The following NDUFA5 variants were observed in gnomAD, a reference collection of about 807,000 sequenced individuals.
The protein encoded by NDUFA5 is NADH dehydrogenase [ubiquinone] 1 alpha subcomplex subunit 5.
Under a neutral mutation model 19.8 loss-of-function variants are expected in NDUFA5, and 11 were observed. The ratio of observed to expected loss-of-function variants is 0.56; its 90% CI spans 0.35 to 0.92. The LOEUF (loss-of-function observed/expected upper bound fraction) is 0.92, where lower values mean the gene tolerates loss of function less well. Among genes scored for constraint, NDUFA5 ranks in the 40% least tolerant of loss-of-function variants. NDUFA5 has a pLI of 0.01. For missense variants in NDUFA5, 109 were observed against 134.2 expected (o/e 0.81, Z 0.93); for synonymous variants, 47 against 46.8 (o/e 1.00, Z -0.01).
chr7:123,556,255 A>T (rs1374096953), intron 2 of NDUFA5: 2 of 142,132 alleles, frequency 1.4e-5, no homozygotes. Flanking sequence ...TGGACATGTT[A>T]AGTTTGGGTT....
intron 2 of NDUFA5, 150 bp downstream of exon 2, chr7:123,557,254 A>T (rs1320845867): frequency 2.9e-6 from 3 of 1,042,198 alleles, no homozygotes; most frequent in Non-Finnish European, 4.4e-6. Flanking sequence ...TCAACGAAGT[A>T]GGTGGACAGC....
the NDUFA5 span, among the ~76,000 whole-genome samples, chr7:123,570,639 G>A: frequency 5.3e-5 from 8 of 152,152 alleles, no homozygotes; most frequent in Admixed American, 1.3e-4. Context: ...ACAAATTATA[G>A]GCCTTAGCAG....
chr7:123,569,939 A>T, the NDUFA5 span, among the ~76,000 whole-genome samples: 5 of 151,382 alleles, frequency 3.3e-5, no homozygotes, highest in South Asian at 1.0e-3. Context: ...AATGATTGTT[A>T]TTATTATGTT....
chr7:123,557,434 C>T lies in NDUFA5; in HGVS notation c.36G>A (p.Val12=). 4.3e-6 allele frequency: 7 copies of T among 1,612,788 alleles called. No homozygotes were observed. Among genetic ancestry groups the T allele is most frequent in the Non-Finnish European group, 5.9e-6 (7 of 1,179,394 alleles). ...AGVLKKTTGL[V]GLAVCNTPHE... ...GAGGAGTATTGCACACAGCCAATCC[C>T]ACAAGGCCAGTGGTCTGTTCAAAAA... Residue 12 remains valine, a synonymous_variant, in exon 2 of 5, where the codon GTG becomes GTA. Transcript: ENST00000355749.
the NDUFA5 span, among the ~76,000 whole-genome samples, chr7:123,588,066 A>G: frequency 1.3e-5 from 2 of 151,808 alleles, no homozygotes; most frequent in African/African-American, 4.8e-5. Flanking sequence ...GTTTGGGAGT[A>G]TTCCCTCCTC....
the NDUFA5 span, among the ~76,000 whole-genome samples, chr7:123,590,555 C>T: frequency 6.6e-6 from 1 of 152,158 alleles, no homozygotes; most frequent in Admixed American, 6.5e-5. Context: ...CCAGTTTTCC[C>T]AGCACCATTT....
At chr7:123,593,651 TA>T in the NDUFA5 span, among the ~76,000 whole-genome samples, 1 of 152,216 alleles carries the variant, frequency 6.6e-6, no homozygotes, top group African/African-American at 2.4e-5. Context: ...GATCCACTGT[TA>T]AGTCTGATGG....
At chr7:123,572,290 C>A in the NDUFA5 span, among the ~76,000 whole-genome samples, 1 of 151,440 alleles carries the variant, frequency 6.6e-6, no homozygotes, top group East Asian at 1.9e-4. Context: ...TGTAGGCACG[C>A]GCCACCATGC....
upstream of NDUFA5, among the ~76,000 whole-genome samples, chr7:123,561,328 A>C (rs1180272958): frequency 2.6e-4 from 40 of 152,254 alleles, no homozygotes; most frequent in Admixed American, 2.6e-3. Flanking sequence ...AACAATATTC[A>C]CAGTATCTTC....
chr7:123,578,253 G>GA, the NDUFA5 span, among the ~76,000 whole-genome samples: 602 of 149,146 alleles, frequency 4.0e-3, 3 homozygotes, highest in African/African-American at 0.014. Flanking sequence ...GTATCAGTTG[G>GA]AAAAAAAATG....
At chr7:123,588,484 T>C in the NDUFA5 span, among the ~76,000 whole-genome samples, 2 of 151,644 alleles carry the variant, frequency 1.3e-5, no homozygotes, top group African/African-American at 4.8e-5. Context: ...CTCTTGTTTG[T>C]CTTATCTCTA....
rs1233022478 is a variant in NDUFA5 at position 123,540,287 on chromosome 7, AT to A, written c.*1831del. On this transcript the variant is annotated 3_prime_UTR_variant, in exon 5 of 5. Transcript: ENST00000355749. ...TTATAATATTATTTTTACAATGACT[AT>A]TATTCTGCAACTAGCATTTCTAATG... 6.6e-6 allele frequency: 1 copy of A among 152,194 alleles called. No individual in the cohort carries two copies. The highest frequency in any genetic ancestry group is 1.5e-5 in the Non-Finnish European group (1 of 68,028). The allele number at this position is 152,194 out of a possible 1,614,324, so 9.4% of individuals were successfully genotyped here.
chr7:123,586,596 T>A, the NDUFA5 span, among the ~76,000 whole-genome samples: 2 of 151,840 alleles, frequency 1.3e-5, no homozygotes, highest in African/African-American at 4.8e-5. Context: ...TTATTGCCTG[T>A]CCTTTTGGTG....
intron 2 of NDUFA5, among the ~76,000 whole-genome samples, chr7:123,550,901 C>T (rs1045952225): frequency 6.6e-6 from 1 of 152,094 alleles, no homozygotes; most frequent in Non-Finnish European, 1.5e-5. Flanking sequence ...TTTGGGAAAT[C>T]GAATCATTTA....
chr7:123,583,372 A>G, the NDUFA5 span, among the ~76,000 whole-genome samples: 1 of 151,970 alleles, frequency 6.6e-6, no homozygotes, highest in Admixed American at 6.6e-5. Flanking sequence ...GGAAACTGGA[A>G]TTGATAACCA....
At chr7:123,592,816 G>A in the NDUFA5 span, among the ~76,000 whole-genome samples, 1 of 151,810 alleles carries the variant, frequency 6.6e-6, no homozygotes, top group Non-Finnish European at 1.5e-5. Flanking sequence ...TTCAAGTCCT[G>A]GATATCCTTG....
intron 3 of NDUFA5, among the ~76,000 whole-genome samples, chr7:123,547,168 T>C (rs1249985388): frequency 6.6e-6 from 1 of 152,164 alleles, no homozygotes; most frequent in South Asian, 2.1e-4. Context: ...CCATCTTGAT[T>C]TGGGTCCCTG....
intron 3 of NDUFA5, among the ~76,000 whole-genome samples, chr7:123,547,041 G>A (rs1798158085): frequency 6.6e-6 from 1 of 152,020 alleles, no homozygotes; most frequent in African/African-American, 2.4e-5. Flanking sequence ...AACCACAAAG[G>A]CAGAAATTGC....
At chr7:123,549,836 A>T (rs1039485481) in intron 3 of NDUFA5, among the ~76,000 whole-genome samples, 1 of 152,218 alleles carries the variant, frequency 6.6e-6, no homozygotes. Flanking sequence ...ATACCTAACG[A>T]AAGATAGGAA....
Sources: allele counts gnomAD v4.1 joint callset (sites outside exome capture counted in the v4.1 genomes callset), GRCh38; gene constraint gnomAD v4.1.1; transcripts MANE v1.5; gene names NCBI Gene and HGNC (gene_info 2026-07-23, HGNC 2026-07-21).